Variants in ADGRL3 observed in about 807,000 individuals in gnomAD.
ADGRL3 encodes the protein calcium-independent alpha-latrotoxin receptor 3.
Under a neutral mutation model 153.5 loss-of-function variants are expected in ADGRL3, and 62 were observed. The observed-to-expected ratio is 0.40, with a 90% CI of 0.33 to 0.50. ADGRL3 has a LOEUF of 0.50. ADGRL3 is among the 20% of genes least tolerant of loss of function. The pLI is 0.47. For missense variants in ADGRL3, 1,641 were observed against 1,859.4 expected, an observed-to-expected ratio of 0.88 and a Z score of 2.16; for synonymous variants, 710 against 672.5, an observed-to-expected ratio of 1.06 and a Z score of -0.86.
rs748991130 is a variant in ADGRL3 at position 62,011,717 on chromosome 4, C to T, written c.3395+13452C>T. Among the ~76,000 whole-genome samples, 6 of 151,998 alleles carry T rather than the reference C, an allele frequency of 3.9e-5. No homozygotes were observed. In the South Asian group the frequency reaches 6.3e-4, roughly 16 times the overall value. Reference sequence around the variant, plus strand: ...ATGTCTTTTTTTGTTTGTTTGAATACGGTTTTCAGAAAAATGAACAAAACT... The same window carrying T: ...ATGTCTTTTTTTGTTTGTTTGAATATGGTTTTCAGAAAAATGAACAAAACT... On this transcript the variant is annotated intron_variant, in intron 21 of 26. Coordinates refer to ENST00000683033, the MANE Select transcript of ADGRL3 (RefSeq NM_001387552.1).
At chr4:61,750,486 T>C (rs1235596204) in intron 8 of ADGRL3, among the ~76,000 whole-genome samples, 1 of 152,136 alleles carries the variant, frequency 6.6e-6, no homozygotes, top group Non-Finnish European at 1.5e-5. Flanking sequence ...AAAAGCAGGA[T>C]GGACATATAT....
At chr4:61,856,419 ATTCCTTCCTTCC>A (rs139069716) in intron 9 of ADGRL3, among the ~76,000 whole-genome samples, 6 of 119,744 alleles carry the variant, frequency 5.0e-5, no homozygotes, top group African/African-American at 9.5e-5. Flanking sequence ...GTGTCTGAGA[ATTCCTTCCTTCC>A]TTCCTTCCTT....
chr4:61,634,236 G>A (rs183869081), intron 5 of ADGRL3, among the ~76,000 whole-genome samples: 4 of 152,136 alleles, frequency 2.6e-5, no homozygotes, highest in East Asian at 1.9e-4. Context: ...TATAGCAGTC[G>A]TCAGCATATG....
intron 19 of ADGRL3, among the ~76,000 whole-genome samples, chr4:61,988,009 G>C (rs77940071): frequency 1.1e-4 from 16 of 151,824 alleles, no homozygotes; most frequent in Admixed American, 8.5e-4. Context: ...AAATTGTTTC[G>C]TAGGTTAAAT....
chr4:61,521,585 G>A (rs189323031), intron 4 of ADGRL3, among the ~76,000 whole-genome samples: 194 of 152,274 alleles, frequency 1.3e-3, no homozygotes, highest in African/African-American at 4.5e-3. Context: ...AGACGAGTCT[G>A]TTCTATTGGT....
At chr4:61,802,341 G>T (rs2097507999) in intron 8 of ADGRL3, among the ~76,000 whole-genome samples, 1 of 152,176 alleles carries the variant, frequency 6.6e-6, no homozygotes, top group African/African-American at 2.4e-5. Flanking sequence ...TGGTAATTGG[G>T]CTTTCAAAGA....
At chr4:61,935,297 G>T (rs2098833612) in intron 14 of ADGRL3, among the ~76,000 whole-genome samples, 1 of 152,016 alleles carries the variant, frequency 6.6e-6, no homozygotes, top group Non-Finnish European at 1.5e-5. Context: ...TTTTTTTAAA[G>T]GACTTTTATG....
intron 2 of ADGRL3, among the ~76,000 whole-genome samples, chr4:61,486,540 C>T (rs2098196560): frequency 6.6e-6 from 1 of 152,088 alleles, no homozygotes; most frequent in South Asian, 2.1e-4. Context: ...GATACGTTGA[C>T]CTATCATATA....
At position 61,390,240 on chromosome 4, in the gene ADGRL3, T is replaced by C. The variant is rs575958935; in HGVS notation, c.-174+7051T>C. Among the ~76,000 whole-genome samples the C allele has an allele frequency of 2.0e-5, 3 of 152,340 alleles. No individual in the cohort carries two copies. The South Asian group carries it at 6.2e-4, about 32-fold the overall frequency. ...AACTCTCTATTTTTTCTTATTTTTA[T>C]GGCTAAACCCTGAGCTAGCAGTAGC... On this transcript the variant is annotated intron_variant, in intron 2 of 26. Coordinates refer to ENST00000683033, the MANE Select transcript of ADGRL3 (RefSeq NM_001387552.1).
intron 5 of ADGRL3, among the ~76,000 whole-genome samples, chr4:61,608,492 AG>A (rs2099041347): frequency 6.6e-6 from 1 of 152,346 alleles, no homozygotes; most frequent in Middle Eastern, 3.4e-3. Flanking sequence ...GAAATGCAAA[AG>A]GAAAAAAAAG....
intron 5 of ADGRL3, among the ~76,000 whole-genome samples, chr4:61,646,698 C>T (rs946903672): frequency 3.3e-5 from 5 of 152,212 alleles, no homozygotes; most frequent in African/African-American, 9.6e-5. Context: ...GACAGGGACA[C>T]TTAAGTCTGC....
At chr4:61,603,196 T>G (rs1280012856) in intron 5 of ADGRL3, among the ~76,000 whole-genome samples, 1 of 152,134 alleles carries the variant, frequency 6.6e-6, no homozygotes, top group African/African-American at 2.4e-5. Context: ...CATTAGTAAT[T>G]AACAGGAATA....
chr4:61,819,212 G>C (rs1434458285), intron 9 of ADGRL3, among the ~76,000 whole-genome samples: 1 of 152,120 alleles, frequency 6.6e-6, no homozygotes, highest in African/African-American at 2.4e-5. Flanking sequence ...AGGAGGAAGA[G>C]AGCGAGTTTC....
chr4:61,834,226 C>T (rs1415508209), intron 9 of ADGRL3, among the ~76,000 whole-genome samples: 3 of 151,116 alleles, frequency 2.0e-5, no homozygotes, highest in African/African-American at 7.3e-5. Context: ...GTTTTTTGTC[C>T]TTGCGATAGT....
chr4:61,949,473 G>T (rs1456701413), intron 17 of ADGRL3, among the ~76,000 whole-genome samples: 1 of 152,114 alleles, frequency 6.6e-6, no homozygotes, highest in African/African-American at 2.4e-5. Flanking sequence ...CAAGACGGGA[G>T]GATCATTCAG....
chr4:61,581,566 G>A (rs1236471348), intron 4 of ADGRL3, among the ~76,000 whole-genome samples: 1 of 151,930 alleles, frequency 6.6e-6, no homozygotes. Flanking sequence ...GGACATGGTG[G>A]CTTTCTTGAT....
At chr4:61,749,882 T>A (rs902654314) in intron 8 of ADGRL3, among the ~76,000 whole-genome samples, 1 of 148,414 alleles carries the variant, frequency 6.7e-6, no homozygotes, top group African/African-American at 2.6e-5. Flanking sequence ...AAAATAAGAA[T>A]AAAAATAAAG....
In ADGRL3 at chr4:61,429,109, A is replaced by G. The variant is rs138297170; in HGVS notation, c.-174+45920A>G. 5.5e-3 allele frequency among the ~76,000 whole-genome samples: 831 copies of G among 152,308 alleles called. 9 individuals carry two copies. Among genetic ancestry groups the G allele is most frequent in the African/African-American group, 0.018 (754 of 41,590 alleles). On this transcript the variant is annotated intron_variant, in intron 2 of 26. Coordinates refer to ENST00000683033, the MANE Select transcript of ADGRL3 (RefSeq NM_001387552.1). ...CTTGTATTCTGTTCTCCAGGAAAAC[A>G]CTGTCCAATGTTTGCTTACAGTTTT...
At chr4:61,688,419 T>C (rs1183120053) in intron 6 of ADGRL3, among the ~76,000 whole-genome samples, 3 of 152,132 alleles carry the variant, frequency 2.0e-5, no homozygotes, top group African/African-American at 7.2e-5. Context: ...CTAGCTGTGT[T>C]CTAATCAAGT....
Sources: allele counts gnomAD v4.1 joint callset (sites outside exome capture counted in the v4.1 genomes callset), GRCh38; gene constraint gnomAD v4.1.1; transcripts MANE v1.5; gene names NCBI Gene and HGNC (gene_info 2026-07-23, HGNC 2026-07-21).